PLCXD2: variants seen among roughly 807,000 people sequenced by gnomAD.
PLCXD2 encodes the protein phosphatidylinositol specific phospholipase C X domain containing 2, also known as PI-PLC X domain-containing protein 2.
Under a neutral mutation model 28.6 loss-of-function variants are expected in PLCXD2, and 21 were observed. The ratio of observed to expected loss-of-function variants is 0.73; its 90% CI spans 0.52 to 1.06. The LOEUF is 1.06. Ranked by LOEUF, PLCXD2 falls within the 50% of genes least tolerant of loss-of-function variation. The probability of loss-of-function intolerance (pLI) is 0.00; values close to 1 mark genes in which losing one functional copy is unlikely to be tolerated. For missense variants in PLCXD2, 369 were observed against 376.7 expected (o/e 0.98, Z 0.17); for synonymous variants, 140 against 150.1 (o/e 0.93, Z 0.49).
intron 3 of PLCXD2, chr3:111,723,261 T>C (rs1415131355): frequency 1.3e-5 from 2 of 152,228 alleles, no homozygotes; most frequent in Non-Finnish European, 2.9e-5. Context: ...TCCAGGTGTT[T>C]GGTGCTATGA....
intron 1 of PLCXD2, among the ~76,000 whole-genome samples, chr3:111,702,053 C>T (rs1324034675): frequency 1.3e-5 from 2 of 152,044 alleles, no homozygotes; most frequent in African/African-American, 4.8e-5. Flanking sequence ...CTTTTGGTGT[C>T]ATCTGCATAA....
intron 3 of PLCXD2, chr3:111,726,060 C>CCTGAT (rs3082284): frequency 1.1e-4 from 44 of 393,520 alleles, no homozygotes; most frequent in African/African-American, 1.7e-4. Context: ...TAGAACTATA[C>CCTGAT]TGGAGCCCAG....
intron 3 of PLCXD2, chr3:111,726,734 C>A (rs1416624407): frequency 6.6e-6 from 1 of 152,080 alleles, no homozygotes; most frequent in Admixed American, 6.6e-5. Flanking sequence ...TTTCTTGTAA[C>A]TTTGATTAAA....
intron 3 of PLCXD2, chr3:111,721,178 C>T (rs1413737930): frequency 5.2e-6 from 1 of 193,060 alleles, no homozygotes; most frequent in Non-Finnish European, 1.1e-5. Context: ...AATAGGATCT[C>T]TAGGACCCAT....
At chr3:111,682,671 T>C (rs890469190) in intron 1 of PLCXD2, among the ~76,000 whole-genome samples, 1 of 152,222 alleles carries the variant, frequency 6.6e-6, no homozygotes, top group Non-Finnish European at 1.5e-5. Context: ...TGGAGGCTTA[T>C]ATATTAAAAG....
chr3:111,704,156 A>G (rs577550973), intron 1 of PLCXD2, among the ~76,000 whole-genome samples: 4 of 152,388 alleles, frequency 2.6e-5, no homozygotes, highest in African/African-American at 4.8e-5. Flanking sequence ...AAAATGGATG[A>G]CAGTGAACTA....
At chr3:111,678,708 T>C (rs538817862) in intron 1 of PLCXD2, among the ~76,000 whole-genome samples, 90 of 152,294 alleles carry the variant, frequency 5.9e-4, no homozygotes, top group African/African-American at 2.1e-3. Flanking sequence ...TATTTGTAAT[T>C]AAGATATTGG....
intron 1 of PLCXD2, among the ~76,000 whole-genome samples, chr3:111,707,247 G>T (rs538035472): frequency 1.3e-5 from 2 of 152,286 alleles, no homozygotes; most frequent in East Asian, 3.9e-4. Flanking sequence ...TAGCTGATCT[G>T]TCAATAAATC....
At chr3:111,687,097 T>A (rs2036996) in intron 1 of PLCXD2, among the ~76,000 whole-genome samples, 72,087 of 152,102 alleles carry the variant, frequency 0.47, 18,741 homozygotes, top group Non-Finnish European at 0.58. Flanking sequence ...TATCCATGCT[T>A]GTATTTATTC....
intron 1 of PLCXD2, among the ~76,000 whole-genome samples, chr3:111,684,703 A>C (rs141085003): frequency 6.6e-6 from 1 of 152,158 alleles, no homozygotes; most frequent in East Asian, 1.9e-4. Flanking sequence ...AGGAGTGGGA[A>C]GGGTTTTAAG....
At chr3:111,705,448 G>T (rs1322482502) in intron 1 of PLCXD2, among the ~76,000 whole-genome samples, 3 of 152,030 alleles carry the variant, frequency 2.0e-5, no homozygotes, top group African/African-American at 7.3e-5. Flanking sequence ...CTTCACTATT[G>T]TGAATAGTGC....
intron 3 of PLCXD2, among the ~76,000 whole-genome samples, chr3:111,716,402 C>T (rs192761403): frequency 3.9e-5 from 6 of 152,274 alleles, no homozygotes; most frequent in East Asian, 1.9e-4. Context: ...GGTGGTTTCT[C>T]GGCAGGGATT....
At chr3:111,700,290 T>A (rs1941023065) in intron 1 of PLCXD2, among the ~76,000 whole-genome samples, 1 of 152,216 alleles carries the variant, frequency 6.6e-6, no homozygotes, top group African/African-American at 2.4e-5. Flanking sequence ...GAAACACCGT[T>A]AATGACTGTT....
chr3:111,685,897 T>TAG (rs749239761), intron 1 of PLCXD2, among the ~76,000 whole-genome samples: 2 of 152,172 alleles, frequency 1.3e-5, no homozygotes, highest in Non-Finnish European at 2.9e-5. Context: ...CCTCCCCATG[T>TAG]AGAGGGCTTT....
chr3:111,676,153 A>G (rs931817397), intron 1 of PLCXD2, among the ~76,000 whole-genome samples: 1 of 152,156 alleles, frequency 6.6e-6, no homozygotes, highest in Non-Finnish European at 1.5e-5. Flanking sequence ...TCCACTCAGA[A>G]GGTGGTTATT....
chr3:111,710,504 A>G (rs563988597), intron 2 of PLCXD2, among the ~76,000 whole-genome samples: 2 of 152,314 alleles, frequency 1.3e-5, no homozygotes, highest in South Asian at 4.1e-4. Flanking sequence ...GGAGACACTA[A>G]GCAACTCACC....
chr3:111,710,223 C>G (rs1486545151), intron 2 of PLCXD2, among the ~76,000 whole-genome samples: 1 of 152,156 alleles, frequency 6.6e-6, no homozygotes, highest in Admixed American at 6.5e-5. Flanking sequence ...AGTTTCTTCA[C>G]TAAGACTTTT....
At chr3:111,725,954 G>A in intron 3 of PLCXD2, 1 of 398,214 alleles carries the variant, frequency 2.5e-6, no homozygotes, top group Non-Finnish European at 4.4e-6. Flanking sequence ...ATAGGCACGT[G>A]TGTTCAGTGA....
At chr3:111,698,153 C>T (rs1405635637) in intron 1 of PLCXD2, among the ~76,000 whole-genome samples, 11 of 152,094 alleles carry the variant, frequency 7.2e-5, no homozygotes, top group Non-Finnish European at 1.6e-4. Context: ...ACACAAATTT[C>T]TTAATAATTA....
Sources: allele counts gnomAD v4.1 joint callset (sites outside exome capture counted in the v4.1 genomes callset), GRCh38; gene constraint gnomAD v4.1.1; transcripts MANE v1.5; gene names NCBI Gene and HGNC (gene_info 2026-07-23, HGNC 2026-07-21).